Variants in KCNH5 observed in about 807,000 individuals in gnomAD.
KCNH5 encodes voltage-gated delayed rectifier potassium channel KCNH5.
A neutral mutation model predicts 96.1 loss-of-function variants in KCNH5; 46 were observed. That is an observed-to-expected ratio of 0.48 (90% CI 0.38 to 0.61). The LOEUF (loss-of-function observed/expected upper bound fraction) is 0.61. KCNH5 is among the 20% of genes least tolerant of loss of function. The pLI, the probability that KCNH5 is intolerant of heterozygous loss-of-function variation, is 0.00. For synonymous variants in KCNH5, 439 were observed against 449.8 expected, an observed-to-expected ratio of 0.98 and a Z score of 0.30; for missense variants, 907 against 1,225.8, an observed-to-expected ratio of 0.74 and a Z score of 3.88.
intron 8 of KCNH5, among the ~76,000 whole-genome samples, chr14:62,811,591 G>A (rs1184572899): frequency 6.6e-6 from 1 of 152,094 alleles, no homozygotes; most frequent in East Asian, 1.9e-4. Flanking sequence ...ATACATAGAA[G>A]AAAATGAGAG....
At chr14:62,844,733 T>C (rs532142646) in intron 8 of KCNH5, among the ~76,000 whole-genome samples, 2 of 152,324 alleles carry the variant, frequency 1.3e-5, no homozygotes, top group Admixed American at 6.5e-5. Context: ...ACTTTCATGA[T>C]AGAAATGCTG....
intron 4 of KCNH5, among the ~76,000 whole-genome samples, chr14:62,993,487 T>A (rs1484681503): frequency 6.6e-6 from 1 of 152,028 alleles, no homozygotes; most frequent in Admixed American, 6.6e-5. Context: ...CACCTGGTTC[T>A]TACCTGCACC....
chr14:62,793,291 C>T (rs1886472326), intron 9 of KCNH5, among the ~76,000 whole-genome samples: 2 of 151,450 alleles, frequency 1.3e-5, no homozygotes, highest in Admixed American at 1.3e-4. Context: ...GGGTAGATCT[C>T]ATATTAAGTG....
intron 7 of KCNH5, among the ~76,000 whole-genome samples, chr14:62,925,630 G>GC (rs1387786470): frequency 2.0e-5 from 3 of 152,094 alleles, no homozygotes; most frequent in African/African-American, 7.2e-5. Flanking sequence ...AGCACCCCTG[G>GC]CACATATACC....
intron 7 of KCNH5, among the ~76,000 whole-genome samples, chr14:62,933,685 A>G (rs146414528): frequency 1.2e-4 from 19 of 152,352 alleles, no homozygotes; most frequent in African/African-American, 4.3e-4. Flanking sequence ...GGAAATGTCT[A>G]AAGGCATGAA....
intron 7 of KCNH5, among the ~76,000 whole-genome samples, chr14:62,878,060 T>C (rs1407542571): frequency 4.6e-5 from 7 of 151,784 alleles, no homozygotes; most frequent in African/African-American, 1.5e-4. Context: ...ATGGATGAAA[T>C]TGGAAATCAT....
intron 7 of KCNH5, among the ~76,000 whole-genome samples, chr14:62,943,856 A>G (rs1889836435): frequency 6.6e-6 from 1 of 152,176 alleles, no homozygotes; most frequent in Non-Finnish European, 1.5e-5. Flanking sequence ...ATGTATATAG[A>G]GAAGCATCAG....
chr14:62,790,293 A>G (rs951400781), intron 9 of KCNH5, among the ~76,000 whole-genome samples: 1 of 151,688 alleles, frequency 6.6e-6, no homozygotes, highest in African/African-American at 2.4e-5. Flanking sequence ...ATACCGTTTT[A>G]ATTACTAGAC....
At chr14:62,964,415 C>T (rs1277897083) in intron 6 of KCNH5, among the ~76,000 whole-genome samples, 4 of 151,988 alleles carry the variant, frequency 2.6e-5, no homozygotes, top group Non-Finnish European at 5.9e-5. Context: ...TTATCTATAT[C>T]CTATTGCCCC....
chr14:62,850,904 T>A (rs1303438744), intron 7 of KCNH5, among the ~76,000 whole-genome samples: 1 of 152,168 alleles, frequency 6.6e-6, no homozygotes, highest in East Asian at 1.9e-4. Flanking sequence ...ATAATTTCCA[T>A]CCTACATCCT....
intron 8 of KCNH5, among the ~76,000 whole-genome samples, chr14:62,827,367 T>C (rs1053901754): frequency 1.3e-5 from 2 of 152,150 alleles, no homozygotes; most frequent in Non-Finnish European, 2.9e-5. Flanking sequence ...CACTCACATC[T>C]CTAGACTAAT....
At chr14:62,980,557 T>C (rs571466479) in intron 6 of KCNH5, among the ~76,000 whole-genome samples, 1 of 152,326 alleles carries the variant, frequency 6.6e-6, no homozygotes, top group Middle Eastern at 3.4e-3. Flanking sequence ...TGCACCAATC[T>C]AATATCTTCT....
At chr14:62,870,921 T>G (rs1468318905) in intron 7 of KCNH5, among the ~76,000 whole-genome samples, 2 of 152,224 alleles carry the variant, frequency 1.3e-5, no homozygotes, top group Non-Finnish European at 2.9e-5. Context: ...ACAGGTATTC[T>G]GACCCCAAAT....
intron 10 of KCNH5, among the ~76,000 whole-genome samples, chr14:62,737,292 A>G (rs975032944): frequency 1.3e-5 from 2 of 152,202 alleles, no homozygotes; most frequent in African/African-American, 2.4e-5. Context: ...AACATATAGC[A>G]TTTGGCACAT....
chr14:62,778,486 G>C (rs186925463), intron 10 of KCNH5, among the ~76,000 whole-genome samples: 1 of 152,312 alleles, frequency 6.6e-6, no homozygotes, highest in East Asian at 1.9e-4. Context: ...ACAGACCAAA[G>C]GAGACATTCC....
intron 7 of KCNH5, among the ~76,000 whole-genome samples, chr14:62,868,226 C>T (rs1005913052): frequency 6.6e-6 from 1 of 152,226 alleles, no homozygotes; most frequent in African/African-American, 2.4e-5. Context: ...CTTCCACATT[C>T]TTCCCACCAG....
At chr14:62,894,346 G>A (rs80134977) in intron 7 of KCNH5, among the ~76,000 whole-genome samples, 3,107 of 152,258 alleles carry the variant, frequency 0.02, 57 homozygotes, top group East Asian at 0.081. Context: ...TACTCCTATG[G>A]ACCGGAAACT....
intron 6 of KCNH5, among the ~76,000 whole-genome samples, chr14:62,955,779 A>T (rs115810455): frequency 0.015 from 2,252 of 152,268 alleles, 48 homozygotes; most frequent in African/African-American, 0.051. Context: ...GAACTCTTAT[A>T]TCTATATAGT....
intron 6 of KCNH5, among the ~76,000 whole-genome samples, chr14:62,955,687 A>C (rs1287319055): frequency 6.6e-6 from 1 of 152,074 alleles, no homozygotes; most frequent in Non-Finnish European, 1.5e-5. Context: ...TGACTGAATA[A>C]AGTAGATTAA....
Sources: allele counts gnomAD v4.1 joint callset (sites outside exome capture counted in the v4.1 genomes callset), GRCh38; gene constraint gnomAD v4.1.1; transcripts MANE v1.5; gene names NCBI Gene and HGNC (gene_info 2026-07-23, HGNC 2026-07-21).